Variants in ANO4 observed in about 807,000 individuals in gnomAD.
The protein encoded by ANO4 is anoctamin-4.
Under a neutral mutation model 141.9 loss-of-function variants are expected in ANO4, and 69 were observed. The observed-to-expected ratio is 0.49, with a 90% CI of 0.40 to 0.59. The LOEUF (loss-of-function observed/expected upper bound fraction) is 0.59, where lower values mean the gene tolerates loss of function less well. Ranked by LOEUF, ANO4 falls within the 20% of genes least tolerant of loss-of-function variation. The pLI is 0.00. For synonymous variants in ANO4, 350 were observed against 394.3 expected, an observed-to-expected ratio of 0.89 and a Z score of 1.33; for missense variants, 894 against 1,162.2, an observed-to-expected ratio of 0.77 and a Z score of 3.36.
At chr12:100,945,923 A>T (rs555004343) in intron 5 of ANO4, among the ~76,000 whole-genome samples, 1 of 152,222 alleles carries the variant, frequency 6.6e-6, no homozygotes, top group Non-Finnish European at 1.5e-5. Context: ...CAGAAAAAAA[A>T]ATCCCTGCTT....
At chr12:100,964,146 A>G (rs1248318880) in intron 5 of ANO4, among the ~76,000 whole-genome samples, 2 of 152,136 alleles carry the variant, frequency 1.3e-5, no homozygotes, top group Non-Finnish European at 2.9e-5. Flanking sequence ...TTCAAAAAAA[A>G]ATTACAGTGG....
intron 22 of ANO4, among the ~76,000 whole-genome samples, chr12:101,108,337 C>T (rs967189422): frequency 1.3e-5 from 2 of 152,110 alleles, no homozygotes; most frequent in African/African-American, 2.4e-5. Flanking sequence ...CTGGAGGTGG[C>T]AGTGTAACCA....
At chr12:100,954,544 G>T (rs1043855988) in intron 5 of ANO4, among the ~76,000 whole-genome samples, 1 of 152,104 alleles carries the variant, frequency 6.6e-6, no homozygotes, top group East Asian at 1.9e-4. Flanking sequence ...AGTTCTGGTC[G>T]CAGCTTCTCA....
chr12:100,960,259 C>T (rs954754255), intron 5 of ANO4, among the ~76,000 whole-genome samples: 2 of 147,484 alleles, frequency 1.4e-5, no homozygotes, highest in South Asian at 2.2e-4. Context: ...TTCACACACA[C>T]GCACACACAC....
chr12:101,028,582 T>C (rs188978905), intron 9 of ANO4, among the ~76,000 whole-genome samples: 17 of 152,238 alleles, frequency 1.1e-4, no homozygotes, highest in Admixed American at 9.8e-4. Context: ...ATATCAGAGT[T>C]TGAAGACCAC....
chr12:100,801,420 G>A (rs2034681188), intron 1 of ANO4, among the ~76,000 whole-genome samples: 1 of 151,904 alleles, frequency 6.6e-6, no homozygotes, highest in African/African-American at 2.4e-5. Context: ...TTTCAAATGA[G>A]TTTCAGCAAA....
rs535773193 is a variant in ANO4 at position 100,718,265 on chromosome 12, T to C, written c.22+718T>C. Among the ~76,000 whole-genome samples the C allele has an allele frequency of 1.4e-3, 206 of 152,360 alleles. 1 individual carries two copies. Among genetic ancestry groups the C allele is most frequent in the African/African-American group, 4.8e-3 (200 of 41,590 alleles). The stretch of plus-strand genomic sequence containing the variant: ...AGCGCGCTGGGGAAGCCAGCAAGGC[T>C]TCTTATCAACGTTCTTGCTTGTGTG... On this transcript the variant is annotated intron_variant, in intron 1 of 29. Coordinates refer to the ANO4 transcript ENST00000644049.
intron 3 of ANO4, among the ~76,000 whole-genome samples, chr12:100,779,692 G>A (rs1218001969): frequency 6.6e-6 from 1 of 152,144 alleles, no homozygotes; most frequent in Non-Finnish European, 1.5e-5. Flanking sequence ...CCCCAAACAT[G>A]CTAGCCTTTC....
At chr12:101,053,999 G>GC (rs1268166693) in intron 14 of ANO4, among the ~76,000 whole-genome samples, 13 of 152,220 alleles carry the variant, frequency 8.5e-5, no homozygotes, top group African/African-American at 2.9e-4. Context: ...TGGCAGGCAG[G>GC]CCCCTTAGAA....
chr12:100,841,017 A>G (rs867287123), intron 1 of ANO4, among the ~76,000 whole-genome samples: 37 of 151,904 alleles, frequency 2.4e-4, no homozygotes, highest in African/African-American at 7.7e-4. Context: ...ATGACCACCT[A>G]TTTTTCTCTA....
chr12:101,126,206 A>ATGAT (rs1318210134), intron 26 of ANO4, among the ~76,000 whole-genome samples: 3 of 152,236 alleles, frequency 2.0e-5, no homozygotes, highest in African/African-American at 7.2e-5. Context: ...TCATTTGAAC[A>ATGAT]TGATTTAGTC....
chr12:100,774,242 A>G (rs1184547371), intron 3 of ANO4, among the ~76,000 whole-genome samples: 8 of 152,236 alleles, frequency 5.3e-5, no homozygotes, highest in Admixed American at 5.2e-4. Context: ...TTAAATAATT[A>G]TAACATTCAA....
chr12:100,961,175 G>A (rs2043402695), intron 5 of ANO4, among the ~76,000 whole-genome samples: 1 of 152,152 alleles, frequency 6.6e-6, no homozygotes, highest in Non-Finnish European at 1.5e-5. Flanking sequence ...AGGCAACACA[G>A]TGCACAGTAG....
chr12:100,754,854 T>TA (rs2032541001), intron 3 of ANO4, among the ~76,000 whole-genome samples: 1 of 152,020 alleles, frequency 6.6e-6, no homozygotes, highest in Non-Finnish European at 1.5e-5. Context: ...TTATATGAAA[T>TA]AGAGTAGTCA....
At chr12:100,764,576 A>G (rs910280874) in intron 3 of ANO4, among the ~76,000 whole-genome samples, 5 of 152,234 alleles carry the variant, frequency 3.3e-5, no homozygotes, top group Admixed American at 2.0e-4. Flanking sequence ...CCATTAACAC[A>G]TATAATCAGC....
intron 3 of ANO4, among the ~76,000 whole-genome samples, chr12:100,777,116 A>T (rs1327953758): frequency 1.2e-4 from 2 of 16,430 alleles, no homozygotes; most frequent in Non-Finnish European, 2.4e-4. Context: ...TTTTTGAGAC[A>T]GAGTCTCACT....
chr12:100,854,110 T>G (rs2038035606), intron 1 of ANO4, among the ~76,000 whole-genome samples: 1 of 152,130 alleles, frequency 6.6e-6, no homozygotes, highest in South Asian at 2.1e-4. Context: ...AAAAATATCT[T>G]TATTTTGCTT....
intron 14 of ANO4, chr12:101,068,480 C>T: frequency 7.2e-6 from 7 of 974,198 alleles, no homozygotes; most frequent in South Asian, 1.3e-5. Flanking sequence ...TTCTTCTCAC[C>T]CTGTTCTCAG....
At chr12:100,990,593 C>G (rs935407414) in intron 8 of ANO4, among the ~76,000 whole-genome samples, 1 of 152,172 alleles carries the variant, frequency 6.6e-6, no homozygotes, top group Non-Finnish European at 1.5e-5. Context: ...TTGCCAGGCA[C>G]TGTCTGGGTA....
Sources: gnomAD v4.1 joint callset for allele counts (sites outside exome capture counted in the v4.1 genomes callset) on GRCh38, gnomAD v4.1.1 for gene constraint, MANE v1.5 for transcripts, NCBI Gene and HGNC (gene_info 2026-07-23, HGNC 2026-07-21) for gene names.